The following ARHGAP20 variants were observed in gnomAD, a reference collection of about 807,000 sequenced individuals.
ARHGAP20 encodes rho GTPase-activating protein 20.
Under a neutral mutation model 73.7 loss-of-function variants are expected in ARHGAP20, and 34 were observed. That is an observed-to-expected ratio of 0.46 (90% CI 0.35 to 0.61). The LOEUF is 0.61. Ranked by LOEUF, ARHGAP20 falls within the 20% of genes least tolerant of loss-of-function variation. The pLI, the probability that ARHGAP20 is intolerant of heterozygous loss-of-function variation, is 0.00. For synonymous variants in ARHGAP20, 523 were observed against 518.2 expected (o/e 1.01, Z -0.13); for missense variants, 1,314 against 1,420.9 (o/e 0.92, Z 1.21).
intron 1 of ARHGAP20, chr11:110,711,837 C>G: frequency 7.6e-7 from 1 of 1,310,726 alleles, no homozygotes; most frequent in Non-Finnish European, 9.7e-7. Flanking sequence ...AGGGAGGAGC[C>G]GGGCTGCAGA....
intron 2 of ARHGAP20, among the ~76,000 whole-genome samples, chr11:110,674,665 A>G (rs1278434853): frequency 1.3e-5 from 2 of 152,172 alleles, no homozygotes; most frequent in Non-Finnish European, 2.9e-5. Context: ...AAAATCCAAA[A>G]TAAAAATCTG....
At chr11:110,640,509 C>G (rs1949056370) in intron 2 of ARHGAP20, among the ~76,000 whole-genome samples, 2 of 151,982 alleles carry the variant, frequency 1.3e-5, no homozygotes, top group Non-Finnish European at 2.9e-5. Context: ...AAAACTCTAT[C>G]TTATTCAGCA....
At chr11:110,613,315 T>C (rs555587741) in intron 6 of ARHGAP20, among the ~76,000 whole-genome samples, 1 of 152,218 alleles carries the variant, frequency 6.6e-6, no homozygotes. Context: ...AGACAAAGAA[T>C]GCTTCCCACA....
At chr11:110,708,971 T>C (rs555854391) in intron 1 of ARHGAP20, among the ~76,000 whole-genome samples, 1 of 152,362 alleles carries the variant, frequency 6.6e-6, no homozygotes, top group South Asian at 2.1e-4. Context: ...ATGTAGCTAG[T>C]GGCTACTGAA....
Position 110,578,776 on chromosome 11 carries a change from A to G in ARHGAP20, c.*594T>C, listed in dbSNP as rs1427534365. ...GAGTCACTCTGTTTTTCTCCACTCTAGCTGTAGCAATGGGCTGGTTCTTGG... is the reference window on the plus strand; with the variant it reads ...GAGTCACTCTGTTTTTCTCCACTCTGGCTGTAGCAATGGGCTGGTTCTTGG... On this transcript the variant is annotated 3_prime_UTR_variant, in exon 15 of 15. Coordinates refer to ENST00000683387, the MANE Select transcript of ARHGAP20 (RefSeq NM_001384657.1). 5.1e-6 allele frequency: 5 copies of G among 985,566 alleles called. No homozygotes were observed. Among genetic ancestry groups the G allele is most frequent in the Non-Finnish European group, 6.0e-6 (5 of 829,926 alleles). The allele number at this position is 985,566 out of a possible 1,614,324, so 61.1% of individuals were successfully genotyped here.
intron 2 of ARHGAP20, among the ~76,000 whole-genome samples, chr11:110,657,660 T>C (rs1485548410): frequency 6.6e-6 from 1 of 152,002 alleles, no homozygotes; most frequent in Admixed American, 6.6e-5. Flanking sequence ...TTTGGGAGGA[T>C]GAGGTGGGCA....
intron 9 of ARHGAP20, among the ~76,000 whole-genome samples, chr11:110,593,525 G>A (rs953812313): frequency 6.6e-6 from 1 of 152,188 alleles, no homozygotes; most frequent in Admixed American, 6.5e-5. Flanking sequence ...CTTGGATGAA[G>A]GGAATGGCAT....
In ARHGAP20 at chr11:110,712,002, C is replaced by A. The variant is rs554446038; in HGVS notation, c.105+125G>T. 4.1e-5 allele frequency: 51 copies of A among 1,238,972 alleles called. 1 individual carries two copies. In the African/African-American group the frequency reaches 7.5e-4, roughly 18 times the overall value. The allele number at this position is 1,238,972 out of a possible 1,614,324, so 76.7% of individuals were successfully genotyped here. ...GTTCTGGGACTCTCATTAGGGGCCG[C>A]GAGCCTCGAGCGTCAAATTCCCGCG... is the stretch of plus-strand genomic sequence containing the variant. On this transcript the variant is annotated intron_variant, in intron 1 of 14. Coordinates refer to ENST00000683387, the MANE Select transcript of ARHGAP20 (RefSeq NM_001384657.1).
At position 110,589,373 on chromosome 11, in the gene ARHGAP20, A is replaced by G. The variant is rs921836419; in HGVS notation, c.1305+1275T>C. ...AAGAGCAGATATGGCTTATTTATCCAGAAACATCTGATTGTATATAAAGTC... is the reference window on the plus strand; with the variant it reads ...AAGAGCAGATATGGCTTATTTATCCGGAAACATCTGATTGTATATAAAGTC... On this transcript the variant is annotated intron_variant, in intron 11 of 14. Coordinates refer to ENST00000683387, the MANE Select transcript of ARHGAP20 (RefSeq NM_001384657.1). The G allele has an allele frequency of 1.1e-5, 11 of 982,672 alleles. No homozygotes were observed. The African/African-American group carries it at 1.9e-4, about 17-fold the overall frequency. 60.9% of individuals were successfully genotyped at this position (982,672 alleles called of 1,614,324 possible).
In ARHGAP20 at chr11:110,591,850, T is replaced by C. The variant is rs922693512; in HGVS notation, c.1143+127A>G. 13 of 950,662 alleles carry C rather than the reference T, an allele frequency of 1.4e-5. No homozygotes were observed. In the East Asian group the frequency reaches 2.9e-4, roughly 22 times the overall value. The allele number at this position is 950,662 out of a possible 1,614,324, so 58.9% of individuals were successfully genotyped here. On this transcript the variant is annotated intron_variant, in intron 10 of 14. Transcript: ENST00000683387. ...CAGATTTTGTTATTTGGAGGAATAA[T>C]AGTGAAGATTCTTAGCCAAAGACAG... is the stretch of plus-strand genomic sequence containing the variant.
chr11:110,605,976 T>A (rs539958233), intron 9 of ARHGAP20, among the ~76,000 whole-genome samples: 13 of 152,226 alleles, frequency 8.5e-5, no homozygotes, highest in Non-Finnish European at 1.3e-4. Context: ...AAGCTCAAAC[T>A]TGGGTTAGGG....
rs369336091 is a variant in ARHGAP20, at chr11:110,621,043, C to T, written c.503+3119G>A. Among the ~76,000 whole-genome samples, 48 of 116,544 alleles carry T rather than the reference C, an allele frequency of 4.1e-4. No homozygotes were observed. The South Asian group carries it at 7.8e-3, about 19-fold the overall frequency. 76.5% of individuals were successfully genotyped at this position (116,544 alleles called of 152,430 possible). ...GAGCCGAGATCATGCTATTGCACTA[C>T]GGCTTGGGCAACAAGAGTAAAACTC... On this transcript the variant is annotated intron_variant, in intron 4 of 14. Transcript: ENST00000683387.
rs751564591 is a variant in ARHGAP20, at chr11:110,615,634, TA to T, written c.504-41del. 13 of 1,564,408 alleles carry T rather than the reference TA, an allele frequency of 8.3e-6. No individual in the cohort carries two copies. In the African/African-American group the frequency reaches 1.4e-4, roughly 16 times the overall value. On this transcript the variant is annotated intron_variant, in intron 4 of 14. Coordinates refer to ENST00000683387, the MANE Select transcript of ARHGAP20 (RefSeq NM_001384657.1). ...AATGGGAGAGAAAAATTAAACCACA[TA>T]AAATACAAATGCTAACAGATTTAGG...
chr11:110,687,087 G>GACACAC (rs71057024), intron 2 of ARHGAP20, among the ~76,000 whole-genome samples: 20,988 of 133,464 alleles, frequency 0.16, 1,829 homozygotes, highest in South Asian at 0.23. Context: ...CATATATATA[G>GACACAC]ACACACACAC....
chr11:110,606,202 C>T (rs553348252), intron 9 of ARHGAP20, among the ~76,000 whole-genome samples: 54 of 152,252 alleles, frequency 3.5e-4, no homozygotes, highest in Admixed American at 8.5e-4. Flanking sequence ...TGACAGCCTC[C>T]TTTTTATAAT....
chr11:110,630,662 G>C lies in ARHGAP20; in HGVS notation c.319C>G (p.Leu107Val), dbSNP rs1277221511. The change falls in exon 3 of 15, where the codon CTA becomes GTA. Residue 107 changes from leucine (L) to valine (V), a missense_variant. Physicochemically the swap from Leu to Val is conservative, Grantham distance 32. This residue lies in a region of ARHGAP20 where 443 missense variants were observed against 466.4 expected (regional missense o/e 0.95). Coordinates refer to ENST00000683387, the MANE Select transcript of ARHGAP20 (RefSeq NM_001384657.1). ...GLQRQERHLF[L>V]FNDLFVVAKI... ...GCCACAACAAACAGATCATTGAATA[G>C]GAAAAGATGCCGCTCCTGCCTCTGG... is the stretch of plus-strand genomic sequence containing the variant. 1 of 1,614,050 alleles carries C rather than the reference G, an allele frequency of 6.2e-7. No individual in the cohort carries two copies. The highest frequency in any genetic ancestry group is 8.5e-7 in the Non-Finnish European group (1 of 1,179,962).
At chr11:110,647,861 C>CAACAGTATT (rs1949231120) in intron 2 of ARHGAP20, among the ~76,000 whole-genome samples, 1 of 151,734 alleles carries the variant, frequency 6.6e-6, no homozygotes, top group Non-Finnish European at 1.5e-5. Flanking sequence ...AAAATTCTCC[C>CAACAGTATT]CTACAGTGCC....
intron 2 of ARHGAP20, among the ~76,000 whole-genome samples, chr11:110,642,965 T>C (rs149107326): frequency 8.9e-4 from 136 of 152,208 alleles, no homozygotes; most frequent in Middle Eastern, 3.4e-3. Context: ...TCAGAACTCA[T>C]TGGTCTGCTC....
At chr11:110,711,836 C>T in intron 1 of ARHGAP20, 1 of 1,311,594 alleles carries the variant, frequency 7.6e-7, no homozygotes, top group Non-Finnish European at 9.7e-7. Flanking sequence ...GAGGGAGGAG[C>T]CGGGCTGCAG....
Sources: gnomAD v4.1 joint callset for allele counts (sites outside exome capture counted in the v4.1 genomes callset) on GRCh38, gnomAD v4.1.1 for gene constraint, gnomAD v4.1.1 regional missense constraint, MANE v1.5 for transcripts, NCBI Gene and HGNC (gene_info 2026-07-23, HGNC 2026-07-21) for gene names.